The following D2HGDH variants were observed in gnomAD, a reference collection of about 807,000 sequenced individuals.
The protein encoded by D2HGDH is D-2-hydroxyglutarate dehydrogenase, also known as D-2-hydroxyglutarate dehydrogenase, mitochondrial.
D2HGDH carries 31 observed loss-of-function variants against 46.9 expected under a neutral mutation model. That is an observed-to-expected ratio of 0.66 (90% CI 0.50 to 0.89). The LOEUF is 0.89. D2HGDH is among the 40% of genes least tolerant of loss of function. The pLI is 0.00. For missense variants in D2HGDH, 698 were observed against 720.8 expected (o/e 0.97, Z 0.36); for synonymous variants, 364 against 332.6 (o/e 1.09, Z -1.03).
chr2:241,735,632 C>T (rs1692566077), intron 2 of D2HGDH, 116 bp downstream of exon 2: 2 of 1,415,484 alleles, frequency 1.4e-6, no homozygotes, highest in Non-Finnish European at 1.9e-6. Flanking sequence ...CCCCTGGCTG[C>T]GCTGAGAGGG....
intron 8 of D2HGDH, among the ~76,000 whole-genome samples, chr2:241,752,024 C>T (rs533784029): frequency 1.3e-5 from 2 of 151,742 alleles, no homozygotes; most frequent in African/African-American, 2.4e-5. Context: ...TCACTGTTAC[C>T]GGGACCTGGG....
chr2:241,751,442 T>G lies in D2HGDH; in HGVS notation c.1140+54T>G, dbSNP rs1697185380. 60 of 1,605,222 alleles carry G rather than the reference T, an allele frequency of 3.7e-5. No homozygotes were observed. The South Asian group carries it at 6.7e-4, about 18-fold the overall frequency. ...GCTCTCTGTCCGTCCAGTCCAGCCTTGTCTTGGGATGCCTGGAACGGTCAT... is the reference window on the plus strand; with the variant it reads ...GCTCTCTGTCCGTCCAGTCCAGCCTGGTCTTGGGATGCCTGGAACGGTCAT... On this transcript the variant is annotated intron_variant, in intron 8 of 9. Coordinates refer to ENST00000321264, the MANE Select transcript of D2HGDH (RefSeq NM_152783.5).
intron 2 of D2HGDH, among the ~76,000 whole-genome samples, chr2:241,735,744 T>TAAAA (rs1342404290): frequency 6.6e-6 from 1 of 152,200 alleles, no homozygotes; most frequent in Admixed American, 6.5e-5. Context: ...TTCTTTTTTT[T>TAAAA]AAGACGGAGT....
chr2:241,748,085 T>C (rs1453813130), intron 6 of D2HGDH, among the ~76,000 whole-genome samples: 2 of 151,978 alleles, frequency 1.3e-5, no homozygotes, highest in East Asian at 3.9e-4. Context: ...AGCCCCCAGG[T>C]CAGGCTCTTC....
At chr2:241,764,446 T>C (rs939759795) in intron 9 of D2HGDH, among the ~76,000 whole-genome samples, 3 of 152,144 alleles carry the variant, frequency 2.0e-5, no homozygotes, top group African/African-American at 7.2e-5. Context: ...CCACGTGGCG[T>C]CTTCAACAAA....
chr2:241,744,971 G>GGC lies in D2HGDH; in HGVS notation c.853+94_853+95insGC, dbSNP rs1695459059. ...GTTGGTGTGAGGAAGGGGATGGAGG[G>GGC]ACCCCCCGCCAAGGACAGTCGGTTC... On this transcript the variant is annotated intron_variant, in intron 6 of 9. Transcript: ENST00000321264. 2.5e-5 allele frequency: 36 copies of GGC among 1,441,512 alleles called. No individual in the cohort carries two copies. The Middle Eastern group carries it at 5.7e-4, about 23-fold the overall frequency. 89.3% of individuals were successfully genotyped at this position (1,441,512 alleles called of 1,614,324 possible).
chr2:241,758,767 A>ATGTGTGTGTGTGTGTG (rs768590214), intron 9 of D2HGDH, among the ~76,000 whole-genome samples: 90 of 106,216 alleles, frequency 8.5e-4, no homozygotes, highest in East Asian at 3.5e-3. Context: ...GCCCCACAAT[A>ATGTGTGTGTGTGTGTG]TATGTGTGTG....
In D2HGDH at chr2:241,742,258, T is replaced by A. The variant is rs1030362323; in HGVS notation, c.351-177T>A. On this transcript the variant is annotated intron_variant, in intron 3 of 9. Coordinates refer to ENST00000321264, the MANE Select transcript of D2HGDH (RefSeq NM_152783.5). The surrounding 1 kb of genome is among the most constrained non-coding windows in gnomAD (Gnocchi z 4.8). ...CCTGTGCACAGCTTTCGGATTGGCC[T>A]CTGTCCTTCCTCAGAATCCCTCACA... is the stretch of plus-strand genomic sequence containing the variant. 1.3e-5 allele frequency among the ~76,000 whole-genome samples: 2 copies of A among 152,176 alleles called. No individual in the cohort carries two copies. The highest frequency in any genetic ancestry group is 2.9e-5 in the Non-Finnish European group (2 of 68,010).
chr2:241,749,866 T>G, intron 6 of D2HGDH: 1 of 467,050 alleles, frequency 2.1e-6, no homozygotes. Flanking sequence ...CCCCTCCTGA[T>G]CTGATGCTGG....
chr2:241,768,375 G>A lies in D2HGDH; in HGVS notation c.*406G>A, dbSNP rs1337907903. 7 of 207,930 alleles carry A rather than the reference G, an allele frequency of 3.4e-5. No homozygotes were observed. The highest frequency in any genetic ancestry group is 5.8e-5 in the Non-Finnish European group (6 of 102,952). The allele number at this position is 207,930 out of a possible 1,614,324, so 12.9% of individuals were successfully genotyped here. A position where few individuals can be genotyped will look rare whatever the true frequency, so the allele number is the denominator to read the frequency against. On this transcript the variant is annotated 3_prime_UTR_variant, in exon 10 of 10. Transcript: ENST00000321264. Reference sequence around the variant, plus strand: ...CGTTCCCCGGGCATGCGTGGGCAGCGGGGGGCATGCGTGGGCAGCAGGGGG... The same window carrying A: ...CGTTCCCCGGGCATGCGTGGGCAGCAGGGGGCATGCGTGGGCAGCAGGGGG...
intron 2 of D2HGDH, among the ~76,000 whole-genome samples, chr2:241,739,010 C>T (rs987153698): frequency 2.6e-5 from 4 of 152,232 alleles, no homozygotes; most frequent in Non-Finnish European, 5.9e-5. Context: ...ATGCTGCAGA[C>T]GTTTAGTGAG....
intron 9 of D2HGDH, among the ~76,000 whole-genome samples, chr2:241,764,573 T>C (rs980719062): frequency 3.9e-5 from 6 of 152,224 alleles, no homozygotes; most frequent in Admixed American, 6.5e-5. Flanking sequence ...CCTCGACCTT[T>C]GTCGGTTCTG....
intron 6 of D2HGDH, among the ~76,000 whole-genome samples, chr2:241,747,250 G>A (rs1298495956): frequency 6.6e-6 from 1 of 152,186 alleles, no homozygotes; most frequent in African/African-American, 2.4e-5. Flanking sequence ...TTTAGTGTCT[G>A]TTGTTTCTGC....
intron 8 of D2HGDH, among the ~76,000 whole-genome samples, chr2:241,754,100 G>A (rs1052067087): frequency 2.0e-5 from 3 of 152,262 alleles, no homozygotes; most frequent in African/African-American, 7.2e-5. Context: ...GATGGTGGGT[G>A]TGGAGCTGAG....
At chr2:241,756,366 G>A (rs1698179817) in intron 9 of D2HGDH, among the ~76,000 whole-genome samples, 1 of 152,242 alleles carries the variant, frequency 6.6e-6, no homozygotes, top group African/African-American at 2.4e-5. Context: ...CTCTCACAGG[G>A]CCCGGCCCCG....
intron 2 of D2HGDH, among the ~76,000 whole-genome samples, chr2:241,736,623 G>A (rs1435739323): frequency 6.6e-6 from 1 of 151,084 alleles, no homozygotes; most frequent in East Asian, 1.9e-4. Context: ...CAGGATGATC[G>A]TATCTCAGTA....
chr2:241,751,201 GCAGCCGGAGCCT>G, intron 7 of D2HGDH, 33 bp from the exon 8 acceptor site: 1 of 1,613,344 alleles, frequency 6.2e-7, no homozygotes, highest in South Asian at 1.1e-5. Flanking sequence ...TCTTGCCCTG[GCAGCCGGAGCCT>G]CTGCTCACTC....
rs751788334 is a variant in D2HGDH, at chr2:241,767,908, A to G, written c.1505A>G (p.Lys502Arg). 3.2e-5 allele frequency: 51 copies of G among 1,603,564 alleles called. No individual in the cohort carries two copies. The highest frequency in any genetic ancestry group is 4.2e-5 in the Non-Finnish European group (49 of 1,175,786). The part of the protein sequence containing the change: ...PGALQLMQQL[K>R]ALLDPKGILN... ...GCCCTGCAGCTCATGCAGCAGCTCA[A>G]GGCCCTGCTGGACCCCAAGGGCATC... Residue 502 changes from lysine (K) to arginine (R), a missense_variant, in exon 10 of 10, where the codon AAG becomes AGG. By Grantham distance (26) the Lys-to-Arg change is conservative. Coordinates refer to ENST00000321264, the MANE Select transcript of D2HGDH (RefSeq NM_152783.5).
chr2:241,750,401 G>GGGGTGCC lies in D2HGDH; in HGVS notation c.997+107_997+108insGGGTGCC. The GGGGTGCC allele has an allele frequency of 4.5e-6, 5 of 1,116,756 alleles. No individual in the cohort carries two copies. In the African/African-American group the frequency reaches 4.7e-5, roughly 11 times the overall value. The allele number at this position is 1,116,756 out of a possible 1,614,324, so 69.2% of individuals were successfully genotyped here. On this transcript the variant is annotated intron_variant, in intron 7 of 9. Coordinates refer to ENST00000321264, the MANE Select transcript of D2HGDH (RefSeq NM_152783.5). ...GGGTGGGCGGGGGGTGCCCGGGCGG[G>GGGGTGCC]CGGGTGGGGGGTCCCTGGGCGGAGC... is the stretch of plus-strand genomic sequence containing the variant.
Sources: allele counts gnomAD v4.1 joint callset (sites outside exome capture counted in the v4.1 genomes callset), GRCh38; gene constraint gnomAD v4.1.1; non-coding constraint Gnocchi (gnomAD v3.1); transcripts MANE v1.5; gene names NCBI Gene and HGNC (gene_info 2026-07-23, HGNC 2026-07-21).